ADAMTS19: variants seen among roughly 807,000 people sequenced by gnomAD.
ADAMTS19 encodes the protein ADAM metallopeptidase with thrombospondin type 1 motif 19.
A neutral mutation model predicts 153.3 loss-of-function variants in ADAMTS19; 93 were observed. The observed-to-expected ratio is 0.61, with a 90% confidence interval of 0.51 to 0.72. ADAMTS19 has a LOEUF of 0.72. Among genes scored for constraint, ADAMTS19 ranks in the 30% least tolerant of loss-of-function variants. The pLI, the probability that ADAMTS19 is intolerant of heterozygous loss-of-function variation, is 0.00. For missense variants in ADAMTS19, 1,482 were observed against 1,552.1 expected (o/e 0.95, Z 0.76); for synonymous variants, 600 against 556.6 (o/e 1.08, Z -1.10).
chr5:129,539,380 G>A (rs1009448252), intron 6 of ADAMTS19, among the ~76,000 whole-genome samples: 1 of 152,042 alleles, frequency 6.6e-6, no homozygotes, highest in Non-Finnish European at 1.5e-5. Context: ...TGCCAGCAAT[G>A]TCTAGAAGCT....
intron 10 of ADAMTS19, among the ~76,000 whole-genome samples, chr5:129,624,376 T>C (rs951078342): frequency 6.6e-6 from 1 of 152,122 alleles, no homozygotes; most frequent in African/African-American, 2.4e-5. Flanking sequence ...ATCAAAAGTC[T>C]GGTCACAATC....
chr5:129,538,045 G>T (rs1752518262), intron 6 of ADAMTS19, among the ~76,000 whole-genome samples: 1 of 151,990 alleles, frequency 6.6e-6, no homozygotes, highest in Non-Finnish European at 1.5e-5. Flanking sequence ...GGTGAGTCTA[G>T]GTTAAACATT....
intron 8 of ADAMTS19, among the ~76,000 whole-genome samples, chr5:129,615,258 A>G (rs989914758): frequency 2.0e-5 from 3 of 151,822 alleles, no homozygotes; most frequent in African/African-American, 7.2e-5. Context: ...AATGGAAGGT[A>G]TTCTAATGGA....
At chr5:129,613,423 T>C (rs1751333370) in intron 8 of ADAMTS19, among the ~76,000 whole-genome samples, 1 of 152,082 alleles carries the variant, frequency 6.6e-6, no homozygotes, top group African/African-American at 2.4e-5. Flanking sequence ...AACAACCTGT[T>C]CCTGAATGAC....
chr5:129,636,988 A>G (rs1752560578), intron 10 of ADAMTS19, among the ~76,000 whole-genome samples: 1 of 152,152 alleles, frequency 6.6e-6, no homozygotes, highest in African/African-American at 2.4e-5. Context: ...TCAAACCTGA[A>G]TAAAATTTTA....
At chr5:129,493,018 A>G (rs1290721748) in intron 2 of ADAMTS19, among the ~76,000 whole-genome samples, 1 of 152,114 alleles carries the variant, frequency 6.6e-6, no homozygotes, top group Non-Finnish European at 1.5e-5. Context: ...TTTTTCTGTA[A>G]TACTTTTATA....
At chr5:129,546,930 A>C (rs1416892867) in intron 6 of ADAMTS19, among the ~76,000 whole-genome samples, 1 of 151,080 alleles carries the variant, frequency 6.6e-6, no homozygotes, top group African/African-American at 2.5e-5. Flanking sequence ...AATTGAAGGG[A>C]GAGATTGGAT....
Position 129,500,459 on chromosome 5 carries a change from GCTC to G in ADAMTS19, c.748-8614_748-8612del, listed in dbSNP as rs150858613. 2.7e-3 allele frequency: 414 copies of G among 152,244 alleles called. 1 individual carries two copies. Among genetic ancestry groups the G allele is most frequent in the African/African-American group, 9.7e-3 (401 of 41,552 alleles). The allele number at this position is 152,244 out of a possible 1,614,324, so 9.4% of individuals were successfully genotyped here. ...TTGGGAGACTCTTTTCTTCAGAGAT[GCTC>G]CTCAGTCTCTGGGGATCTCAGTCTT... On this transcript the variant is annotated intron_variant, in intron 2 of 22. Transcript: ENST00000274487.
chr5:129,526,598 T>C, intron 4 of ADAMTS19, 142 bp downstream of exon 4: 1 of 745,570 alleles, frequency 1.3e-6, no homozygotes, highest in African/African-American at 1.9e-5. Context: ...AATACTTAGG[T>C]ATATAAAATT....
chr5:129,519,665 A>G (rs1246062637), intron 3 of ADAMTS19, among the ~76,000 whole-genome samples: 1 of 150,608 alleles, frequency 6.6e-6, no homozygotes, highest in Non-Finnish European at 1.5e-5. Context: ...AAAAAAAGAG[A>G]CAGGAAGCGG....
chr5:129,598,145 A>C (rs1750470830), intron 8 of ADAMTS19, among the ~76,000 whole-genome samples: 1 of 152,182 alleles, frequency 6.6e-6, no homozygotes, highest in South Asian at 2.1e-4. Context: ...TGCCAACATT[A>C]AAAAAGTGTA....
At chr5:129,704,748 T>C (rs926556707) in intron 21 of ADAMTS19, among the ~76,000 whole-genome samples, 2 of 151,924 alleles carry the variant, frequency 1.3e-5, no homozygotes, top group African/African-American at 4.8e-5. Flanking sequence ...CAAAATATAA[T>C]TAAGTAAGGT....
At chr5:129,477,022 T>A (rs372652183) in intron 2 of ADAMTS19, among the ~76,000 whole-genome samples, 1 of 152,126 alleles carries the variant, frequency 6.6e-6, no homozygotes, top group African/African-American at 2.4e-5. Flanking sequence ...TATATTTAAG[T>A]CTTTTGCTTT....
At chr5:129,608,116 G>GTATATACATATATATATATA (rs1751013045) in intron 8 of ADAMTS19, among the ~76,000 whole-genome samples, 4 of 47,928 alleles carry the variant, frequency 8.3e-5, no homozygotes, top group Non-Finnish European at 2.0e-4. Flanking sequence ...GTGTGTGTGT[G>GTATATACATATATATATATA]TATATATATA....
intron 10 of ADAMTS19, among the ~76,000 whole-genome samples, chr5:129,633,887 T>C (rs559810304): frequency 8.8e-4 from 134 of 152,272 alleles, no homozygotes; most frequent in African/African-American, 3.0e-3. Flanking sequence ...GAAATCTCCC[T>C]TCAGTTTATG....
chr5:129,467,043 G>A (rs777538219), intron 2 of ADAMTS19, among the ~76,000 whole-genome samples: 163 of 152,164 alleles, frequency 1.1e-3, no homozygotes, highest in Non-Finnish European at 1.8e-3. Flanking sequence ...AAACAAAAAC[G>A]TATTTTGCAC....
At chr5:129,661,492 G>T (rs1485861353) in intron 15 of ADAMTS19, among the ~76,000 whole-genome samples, 6 of 152,134 alleles carry the variant, frequency 3.9e-5, no homozygotes, top group Non-Finnish European at 8.8e-5. Flanking sequence ...AGGCCATACA[G>T]CCCTGTTTGT....
intron 11 of ADAMTS19, among the ~76,000 whole-genome samples, chr5:129,643,881 C>G (rs988198825): frequency 6.6e-6 from 1 of 152,086 alleles, no homozygotes; most frequent in African/African-American, 2.4e-5. Flanking sequence ...AACTTTGCAC[C>G]AGCAATCATT....
chr5:129,590,178 A>G (rs930691851), intron 7 of ADAMTS19, among the ~76,000 whole-genome samples: 1 of 152,148 alleles, frequency 6.6e-6, no homozygotes, highest in African/African-American at 2.4e-5. Context: ...TTTTGAAACC[A>G]CACATTTATT....
Sources: allele counts gnomAD v4.1 joint callset (sites outside exome capture counted in the v4.1 genomes callset), GRCh38; gene constraint gnomAD v4.1.1; transcripts MANE v1.5; gene names NCBI Gene and HGNC (gene_info 2026-07-23, HGNC 2026-07-21).